The following MRPS18B variants were observed in gnomAD, a reference collection of about 807,000 sequenced individuals.
MRPS18B encodes mitochondrial ribosomal protein S18B.
MRPS18B carries 27 observed loss-of-function variants against 28.4 expected under a neutral mutation model. The ratio of observed to expected loss-of-function variants is 0.95; its 90% confidence interval spans 0.70 to 1.31. The LOEUF is 1.31. Among genes scored for constraint, MRPS18B ranks in the 40% most tolerant of loss-of-function variants. The pLI, the probability that MRPS18B is intolerant of heterozygous loss-of-function variation, is 0.00. For missense variants in MRPS18B, 343 were observed against 335.9 expected (o/e 1.02, Z -0.17); for synonymous variants, 118 against 123.7 (o/e 0.95, Z 0.30).
chr6:30,623,767 A>G (rs1271717874), intron 5 of MRPS18B, among the ~76,000 whole-genome samples: 1 of 151,890 alleles, frequency 6.6e-6, no homozygotes, highest in Non-Finnish European at 1.5e-5. Flanking sequence ...TTTGCAGAGA[A>G]TAATTTTTTG....
At chr6:30,625,455 A>T in intron 6 of MRPS18B, 47 bp from the exon 7 acceptor site, 2 of 1,417,656 alleles carry the variant, frequency 1.4e-6, no homozygotes, top group Non-Finnish European at 1.9e-6. Context: ...CATCTAAACC[A>T]CCCTCCTCAT....
In MRPS18B at chr6:30,625,598, T is replaced by G. The variant is rs1485286983; in HGVS notation, c.578T>G (p.Leu193Arg). ...AVSATPPAPT[L>R]VSGDPWYPWY... ...AGTGCTACTCCGCCAGCCCCCACCC[T>G]GGTCTCAGGTGACCCCTGGTACCCA... The change falls in exon 7 of 7, where the codon CTG (leucine) becomes CGG (arginine). Residue 193 changes from leucine (L) to arginine (R), a missense_variant. Coordinates refer to ENST00000259873, the MANE Select transcript of MRPS18B (RefSeq NM_014046.4). The G allele has an allele frequency of 5.6e-6, 9 of 1,612,224 alleles. No individual in the cohort carries two copies. Among genetic ancestry groups the G allele is most frequent in the East Asian group, 2.2e-5 (1 of 44,896 alleles).
intron 4 of MRPS18B, among the ~76,000 whole-genome samples, chr6:30,621,430 C>G (rs1294860300): frequency 1.3e-5 from 2 of 152,082 alleles, no homozygotes; most frequent in African/African-American, 4.8e-5. Context: ...AATTTGAAAA[C>G]ATTATATCAA....
chr6:30,618,025 G>A, intron 1 of MRPS18B, 82 bp downstream of exon 1: 2 of 1,444,120 alleles, frequency 1.4e-6, no homozygotes, highest in Admixed American at 1.7e-5. Context: ...AGGAATCCAC[G>A]AGTGGAGACC....
intron 6 of MRPS18B, 47 bp downstream of exon 6, chr6:30,624,989 A>G (rs1223053444): frequency 1.2e-6 from 2 of 1,601,378 alleles, no homozygotes. Flanking sequence ...GGTATAAGGA[A>G]GATGACTTAG....
At chr6:30,624,315 T>TG (rs768332429) in intron 5 of MRPS18B, among the ~76,000 whole-genome samples, 4 of 149,468 alleles carry the variant, frequency 2.7e-5, no homozygotes, top group Non-Finnish European at 6.0e-5. Flanking sequence ...AGTCTGGTCT[T>TG]GAACTCCTGA....
chr6:30,626,096 C>CAAAA lies in MRPS18B; in HGVS notation c.*311_*314dup, dbSNP rs35997671. 2 of 203,794 alleles carry CAAAA rather than the reference C, an allele frequency of 9.8e-6. No individual in the cohort carries two copies. Among genetic ancestry groups the CAAAA allele is most frequent in the South Asian group, 1.8e-4 (1 of 5,642 alleles). The allele number at this position is 203,794 out of a possible 1,614,324, so 12.6% of individuals were successfully genotyped here. A position where few individuals can be genotyped will look rare whatever the true frequency, so the allele number is the denominator to read the frequency against. On this transcript the variant is annotated 3_prime_UTR_variant, in exon 7 of 7. Transcript: ENST00000259873. The stretch of plus-strand genomic sequence containing the variant: ...CCTGGGTGACAGCTAGACCCTGTCT[C>CAAAA]AAAAAAAAAAAAAAAGACTGGGAAG...
rs1761396356 is a variant in MRPS18B, at chr6:30,624,918, G to T, written c.457G>T (p.Ala153Ser). ...GAAGCAGCACAAGCGGTTGACCCAGGCCATCCAGAAAGCCAGGGATCATGG... is the reference window on the plus strand; with the variant it reads ...GAAGCAGCACAAGCGGTTGACCCAGTCCATCCAGAAAGCCAGGGATCATGG... ...CVKQHKRLTQ[A>S]IQKARDHGLL... Residue 153 changes from alanine (A) to serine (S), a missense_variant, in exon 6 of 7, where the codon GCC becomes TCC. Transcript: ENST00000259873. 1 of 1,612,914 alleles carries T rather than the reference G, an allele frequency of 6.2e-7. No individual in the cohort carries two copies. The highest frequency in any genetic ancestry group is 1.3e-5 in the African/African-American group (1 of 74,936).
rs1760832164 is a variant in MRPS18B at position 30,618,011 on chromosome 6, T to C, written c.78+68T>C. The C allele has an allele frequency of 5.2e-6, 8 of 1,552,508 alleles. No homozygotes were observed. In the Admixed American group the frequency reaches 6.7e-5, roughly 13 times the overall value. ...TACCTTCTCGAGGTTGTCGCTCCAC[T>C]GTCAGGAATCCACGAGTGGAGACCT... is the stretch of plus-strand genomic sequence containing the variant. On this transcript the variant is annotated intron_variant, in intron 1 of 6. Coordinates refer to ENST00000259873, the MANE Select transcript of MRPS18B (RefSeq NM_014046.4).
At chr6:30,620,038 C>G (rs1274620665) in intron 4 of MRPS18B, 49 bp downstream of exon 4, 1 of 1,583,088 alleles carries the variant, frequency 6.3e-7, no homozygotes, top group African/African-American at 1.3e-5. Context: ...AGATTAGGGG[C>G]TGGGCGCGGT....
Position 30,625,482 on chromosome 6 carries a change from TTTC to T in MRPS18B, c.482-17_482-15del. 1.3e-6 allele frequency: 2 copies of T among 1,512,402 alleles called. No homozygotes were observed. The highest frequency in any genetic ancestry group is 2.6e-5 in the South Asian group (2 of 75,984). 93.7% of individuals were successfully genotyped at this position (1,512,402 alleles called of 1,614,324 possible). A position where few individuals can be genotyped will look rare whatever the true frequency, so the allele number is the denominator to read the frequency against. On this transcript the variant is annotated splice_polypyrimidine_tract_variant and intron_variant, in intron 6 of 6. Transcript: ENST00000259873. ...CCTCCTCATTGCCTCTTAAATTTCT[TTTC>T]TTTTTTAATCCCTTAGGTCTCCTCA...
At chr6:30,621,381 G>A (rs1213069455) in intron 4 of MRPS18B, among the ~76,000 whole-genome samples, 6 of 151,828 alleles carry the variant, frequency 4.0e-5, no homozygotes, top group South Asian at 4.2e-4. Flanking sequence ...CAGCCTGGGC[G>A]AAAGAGTGAA....
At chr6:30,618,152 TC>T (rs1215743685) in intron 1 of MRPS18B, among the ~76,000 whole-genome samples, 1 of 151,834 alleles carries the variant, frequency 6.6e-6, no homozygotes, top group Non-Finnish European at 1.5e-5. Context: ...TCATCCTTTT[TC>T]CAAAATGCCA....
At chr6:30,620,893 G>A (rs1761115750) in intron 4 of MRPS18B, among the ~76,000 whole-genome samples, 1 of 152,174 alleles carries the variant, frequency 6.6e-6, no homozygotes, top group South Asian at 2.1e-4. Context: ...TCTAGTGGGA[G>A]AGCCAATATC....
Position 30,626,096 on chromosome 6 carries a change from C to CAA in MRPS18B, c.*313_*314dup, listed in dbSNP as rs35997671. 460 of 204,494 alleles carry CAA rather than the reference C, an allele frequency of 2.2e-3. No homozygotes were observed. The highest frequency in any genetic ancestry group is 4.9e-3 in the East Asian group (56 of 11,362). 12.7% of individuals were successfully genotyped at this position (204,494 alleles called of 1,614,324 possible). On this transcript the variant is annotated 3_prime_UTR_variant, in exon 7 of 7. Transcript: ENST00000259873. ...CCTGGGTGACAGCTAGACCCTGTCTCAAAAAAAAAAAAAAAGACTGGGAAG... is the reference window on the plus strand; with the variant it reads ...CCTGGGTGACAGCTAGACCCTGTCTCAAAAAAAAAAAAAAAAAGACTGGGAAG...
At chr6:30,622,552 ACT>A (rs1407544903) in intron 4 of MRPS18B, among the ~76,000 whole-genome samples, 1 of 126,372 alleles carries the variant, frequency 7.9e-6, no homozygotes, top group Non-Finnish European at 1.6e-5. Context: ...ACACAGGGAG[ACT>A]CTGTCTCAAA....
chr6:30,619,565 T>C lies in MRPS18B; in HGVS notation c.151T>C (p.Tyr51His). 6.2e-7 allele frequency: 1 copy of C among 1,612,980 alleles called. No homozygotes were observed. Among genetic ancestry groups the C allele is most frequent in the Non-Finnish European group, 8.5e-7 (1 of 1,179,940 alleles). The change falls in exon 2 of 7, where the codon TAT becomes CAT. Residue 51 changes from tyrosine (Y) to histidine (H), a missense_variant. Tyr to His is a moderately conservative substitution (Grantham distance 83). Coordinates refer to ENST00000259873, the MANE Select transcript of MRPS18B (RefSeq NM_014046.4). Reference sequence around the variant, plus strand: ...TTTGTCCTCAGTTCCCATTTCTCCTTATAAGGATGAGCCCTGGAAATATCT... The same window carrying C: ...TTTGTCCTCAGTTCCCATTTCTCCTCATAAGGATGAGCCCTGGAAATATCT... ...DSLSSVPISP[Y>H]KDEPWKYLES...
At position 30,619,602 on chromosome 6, in the gene MRPS18B, G is replaced by T. The variant is rs765048586; in HGVS notation, c.187+1G>T. On this transcript the variant is annotated splice_donor_variant, in intron 2 of 6. Coordinates refer to ENST00000259873, the MANE Select transcript of MRPS18B (RefSeq NM_014046.4). LOFTEE classifies it high-confidence loss of function. ...CCCTGGAAATATCTGGAATCAGAAG[G>T]TACCTCTAAAGGGGGAAAGGGAGGG... The T allele has an allele frequency of 1.3e-5, 21 of 1,612,034 alleles. No individual in the cohort carries two copies. Among genetic ancestry groups the T allele is most frequent in the Middle Eastern group, 1.6e-4 (1 of 6,084 alleles).
At chr6:30,618,049 C>T in intron 1 of MRPS18B, 106 bp downstream of exon 1, 7 of 1,185,910 alleles carry the variant, frequency 5.9e-6, no homozygotes, top group East Asian at 2.5e-5. Context: ...CCACGTGTGT[C>T]TTAGCTGTCT....
Sources: allele counts gnomAD v4.1 joint callset (sites outside exome capture counted in the v4.1 genomes callset), GRCh38; gene constraint gnomAD v4.1.1; transcripts MANE v1.5; gene names NCBI Gene and HGNC (gene_info 2026-07-23, HGNC 2026-07-21).